CECR2: variants seen among roughly 807,000 people sequenced by gnomAD.
CECR2 encodes the protein CECR2 histone acetyl-lysine reader.
In CECR2, 30 loss-of-function variants were observed where a neutral mutation model predicts 154.5. That is an observed-to-expected ratio of 0.19 (90% confidence interval 0.15 to 0.26). The LOEUF (loss-of-function observed/expected upper bound fraction) is 0.26, where lower values mean the gene tolerates loss of function less well. Among genes scored for constraint, CECR2 ranks in the 10% least tolerant of loss-of-function variants. The probability of loss-of-function intolerance (pLI) is 1.00; values close to 1 mark genes in which losing one functional copy is unlikely to be tolerated. For synonymous variants in CECR2, 725 were observed against 683.7 expected (o/e 1.06, Z -0.94); for missense variants, 1,743 against 1,829.3 (o/e 0.95, Z 0.86).
chr22:17,383,657 CT>C (rs57665657), intron 1 of CECR2, among the ~76,000 whole-genome samples: 2,509 of 104,224 alleles, frequency 0.024, 14 homozygotes, highest in Middle Eastern at 0.067. Flanking sequence ...TTCAGGTCCA[CT>C]TTTTTTTTTT....
chr22:17,380,291 A>G (rs938998153), intron 1 of CECR2, among the ~76,000 whole-genome samples: 10 of 152,134 alleles, frequency 6.6e-5, no homozygotes, highest in Non-Finnish European at 1.3e-4. Context: ...TCTTTTTTGT[A>G]CTTCGTTAGC....
At chr22:17,506,933 C>T (rs1176803981) in intron 7 of CECR2, among the ~76,000 whole-genome samples, 3 of 152,178 alleles carry the variant, frequency 2.0e-5, no homozygotes, top group South Asian at 2.1e-4. Flanking sequence ...TGATTACAGG[C>T]GTGAGCTACC....
chr22:17,536,951 A>G (rs946484824), intron 9 of CECR2, 152 bp from the exon 10 acceptor site: 10 of 777,714 alleles, frequency 1.3e-5, no homozygotes, highest in Admixed American at 5.9e-5. Context: ...GAAACATCCT[A>G]ATTACCAAAA....
At chr22:17,391,693 CAA>C (rs2063327726) in intron 1 of CECR2, among the ~76,000 whole-genome samples, 2 of 152,236 alleles carry the variant, frequency 1.3e-5, no homozygotes, top group East Asian at 3.9e-4. Flanking sequence ...AATTAACTGA[CAA>C]ATAAATTGAA....
intron 1 of CECR2, among the ~76,000 whole-genome samples, chr22:17,387,037 T>C (rs775285130): frequency 6.6e-6 from 1 of 152,226 alleles, no homozygotes; most frequent in Non-Finnish European, 1.5e-5. Context: ...TTAGTTTCTC[T>C]CTGTTACATG....
chr22:17,491,292 C>A (rs537517320), intron 2 of CECR2, among the ~76,000 whole-genome samples: 56 of 152,082 alleles, frequency 3.7e-4, no homozygotes, highest in Non-Finnish European at 7.6e-4. Context: ...ACAGCAGCTG[C>A]ACACTTAGCC....
intron 1 of CECR2, among the ~76,000 whole-genome samples, chr22:17,421,116 C>G (rs1410247772): frequency 2.0e-5 from 3 of 152,056 alleles, no homozygotes; most frequent in Admixed American, 2.0e-4. Context: ...TTTATTTTAG[C>G]CTCATTCATT....
chr22:17,386,086 T>TA (rs1341542422), intron 1 of CECR2, among the ~76,000 whole-genome samples: 1 of 152,198 alleles, frequency 6.6e-6, no homozygotes, highest in African/African-American at 2.4e-5. Flanking sequence ...TGAGCCCTCA[T>TA]ACGGTGGTAC....
chr22:17,449,480 G>GTTT (rs1555910874), intron 1 of CECR2, among the ~76,000 whole-genome samples: 1 of 97,210 alleles, frequency 1.0e-5, no homozygotes, highest in African/African-American at 4.3e-5. Context: ...TTGGTAACCA[G>GTTT]TTCTTTTTTT....
chr22:17,392,447 C>G (rs1416887685), intron 1 of CECR2, among the ~76,000 whole-genome samples: 1 of 152,076 alleles, frequency 6.6e-6, no homozygotes, highest in Non-Finnish European at 1.5e-5. Context: ...AAGATCGTGC[C>G]ATTGCACTCC....
intron 1 of CECR2, among the ~76,000 whole-genome samples, chr22:17,432,488 A>G (rs1436096025): frequency 6.6e-6 from 1 of 152,150 alleles, no homozygotes; most frequent in African/African-American, 2.4e-5. Context: ...TTGGGTCTAT[A>G]GCTAGTTGAA....
At chr22:17,519,491 C>T (rs1178421904) in intron 8 of CECR2, among the ~76,000 whole-genome samples, 3 of 152,026 alleles carry the variant, frequency 2.0e-5, no homozygotes, top group Non-Finnish European at 4.4e-5. Flanking sequence ...ATCTCCTGAC[C>T]TCGTGAACCA....
intron 1 of CECR2, among the ~76,000 whole-genome samples, chr22:17,420,876 G>A (rs188369326): frequency 6.6e-6 from 1 of 152,090 alleles, no homozygotes; most frequent in African/African-American, 2.4e-5. Flanking sequence ...GGAGAGGAAG[G>A]TACAGAGATT....
intron 1 of CECR2, among the ~76,000 whole-genome samples, chr22:17,408,304 C>T (rs1235844019): frequency 1.3e-5 from 2 of 148,804 alleles, no homozygotes; most frequent in East Asian, 4.0e-4. Flanking sequence ...CTGGAAAGAA[C>T]CCTGGTCAGG....
chr22:17,394,878 T>C (rs2053784114), intron 1 of CECR2, among the ~76,000 whole-genome samples: 1 of 152,354 alleles, frequency 6.6e-6, no homozygotes, highest in African/African-American at 2.4e-5. Context: ...ATTTATTATT[T>C]TGATCTTGTT....
chr22:17,400,745 C>T (rs560212803), intron 1 of CECR2, among the ~76,000 whole-genome samples: 31 of 152,142 alleles, frequency 2.0e-4, no homozygotes, highest in African/African-American at 7.0e-4. Flanking sequence ...GGCAGGATCC[C>T]AGGAGAGTCT....
rs2054715586 is a variant in CECR2, at chr22:17,448,597, G to C, written c.127-28991G>C. 2.0e-5 allele frequency among the ~76,000 whole-genome samples: 3 copies of C among 152,090 alleles called. No homozygotes were observed. The South Asian group carries it at 6.2e-4, about 31-fold the overall frequency. On this transcript the variant is annotated intron_variant, in intron 1 of 18. Transcript: ENST00000262608. ...TTTCTACACGGTTGATTTTCCATAAGAGACAGCCCACATTATCAGCAGTGT... is the reference window on the plus strand; with the variant it reads ...TTTCTACACGGTTGATTTTCCATAACAGACAGCCCACATTATCAGCAGTGT...
At chr22:17,381,504 C>G (rs2063188790) in intron 1 of CECR2, among the ~76,000 whole-genome samples, 1 of 152,134 alleles carries the variant, frequency 6.6e-6, no homozygotes. Context: ...TCTTCCTTAC[C>G]CCTGACTCCG....
chr22:17,388,980 CTT>C (rs2146498096), intron 1 of CECR2, among the ~76,000 whole-genome samples: 1 of 151,970 alleles, frequency 6.6e-6, no homozygotes, highest in South Asian at 2.1e-4. Flanking sequence ...GCCCGGATAA[CTT>C]TTGTATTTTT....
Sources: allele counts gnomAD v4.1 joint callset (sites outside exome capture counted in the v4.1 genomes callset), GRCh38; gene constraint gnomAD v4.1.1; transcripts MANE v1.5; gene names NCBI Gene and HGNC (gene_info 2026-07-23, HGNC 2026-07-21).